The following PID1 variants were observed in gnomAD, a reference collection of about 807,000 sequenced individuals.
PID1 encodes the protein phosphotyrosine interaction domain containing 1, also known as PTB-containing, cubilin and LRP1-interacting protein.
PID1 carries 10 observed loss-of-function variants against 19.1 expected under a neutral mutation model. The observed-to-expected ratio is 0.52, with a 90% CI of 0.32 to 0.89. The LOEUF is 0.89. PID1 is among the 40% of genes least tolerant of loss of function. The pLI, the probability that PID1 is intolerant of heterozygous loss-of-function variation, is 0.03. For missense variants in PID1, 248 were observed against 285.3 expected, an observed-to-expected ratio of 0.87 and a Z score of 0.94; for synonymous variants, 130 against 116.0, an observed-to-expected ratio of 1.12 and a Z score of -0.78.
chr2:229,055,708 C>T (rs73998534), intron 2 of PID1, among the ~76,000 whole-genome samples: 2,060 of 152,292 alleles, frequency 0.014, 58 homozygotes, highest in African/African-American at 0.047. Flanking sequence ...AACAAACTTA[C>T]AAAGATATCT....
intron 1 of PID1, among the ~76,000 whole-genome samples, chr2:229,219,737 A>G (rs775752903): frequency 4.6e-5 from 7 of 152,110 alleles, no homozygotes; most frequent in Non-Finnish European, 7.4e-5. Context: ...CAGAGTCTCA[A>G]TAAGTTCTAC....
At chr2:229,141,894 CAAAG>C (rs1260919802) in intron 2 of PID1, among the ~76,000 whole-genome samples, 2 of 151,888 alleles carry the variant, frequency 1.3e-5, no homozygotes, top group African/African-American at 4.8e-5. Flanking sequence ...TCATTAAAAA[CAAAG>C]AAATGAACAA....
intron 2 of PID1, among the ~76,000 whole-genome samples, chr2:229,098,838 C>G (rs1695021935): frequency 6.6e-6 from 1 of 152,210 alleles, no homozygotes; most frequent in Non-Finnish European, 1.5e-5. Flanking sequence ...GCTTTGGCAG[C>G]TCAGAGCAAT....
intron 2 of PID1, among the ~76,000 whole-genome samples, chr2:229,102,393 G>A (rs1392349754): frequency 1.3e-5 from 2 of 152,180 alleles, no homozygotes; most frequent in Non-Finnish European, 1.5e-5. Flanking sequence ...GCAAGAAGAA[G>A]CTATTGTTAA....
chr2:229,141,516 A>G (rs1459251195), intron 2 of PID1, among the ~76,000 whole-genome samples: 1 of 152,164 alleles, frequency 6.6e-6, no homozygotes, highest in Non-Finnish European at 1.5e-5. Flanking sequence ...TTTCCATAAT[A>G]GTGGATGGCA....
chr2:229,231,126 C>T (rs75472823), intron 1 of PID1, among the ~76,000 whole-genome samples: 1 of 152,098 alleles, frequency 6.6e-6, no homozygotes, highest in Admixed American at 6.5e-5. Context: ...CAGTGGCCAA[C>T]ACATCTGTGC....
At chr2:229,270,347 G>A (rs543312943) in intron 1 of PID1, among the ~76,000 whole-genome samples, 67 of 152,238 alleles carry the variant, frequency 4.4e-4, no homozygotes, top group African/African-American at 1.5e-3. Flanking sequence ...ATCGCCTCCC[G>A]CAAATCCCCA....
chr2:229,088,289 C>A (rs550036893), intron 2 of PID1, among the ~76,000 whole-genome samples: 1 of 152,194 alleles, frequency 6.6e-6, no homozygotes, highest in South Asian at 2.1e-4. Context: ...AAAACATTTA[C>A]CGAGCAACTA....
At chr2:229,176,114 T>G (rs954469232) in intron 1 of PID1, among the ~76,000 whole-genome samples, 1 of 152,094 alleles carries the variant, frequency 6.6e-6, no homozygotes, top group African/African-American at 2.4e-5. Context: ...TCATGAAATT[T>G]AGATTTCTAC....
chr2:229,267,484 T>C (rs1429305347), intron 1 of PID1, among the ~76,000 whole-genome samples: 1 of 152,236 alleles, frequency 6.6e-6, no homozygotes, highest in Admixed American at 6.5e-5. Context: ...AACTTCACAA[T>C]TAGAATCTGC....
intron 2 of PID1, among the ~76,000 whole-genome samples, chr2:229,150,229 CA>C (rs11309150): frequency 0.67 from 82,655 of 122,788 alleles, 26,279 homozygotes; most frequent in Admixed American, 0.74. Context: ...GAGTGAGACT[CA>C]AAAAAAAAAA....
At chr2:229,256,621 T>C (rs115772663) in intron 1 of PID1, among the ~76,000 whole-genome samples, 1,596 of 152,284 alleles carry the variant, frequency 0.01, 21 homozygotes, top group African/African-American at 0.036. Flanking sequence ...CTGAAACTTC[T>C]GTGGCAAGAC....
At chr2:229,129,338 C>T (rs544859337) in intron 2 of PID1, among the ~76,000 whole-genome samples, 5 of 150,332 alleles carry the variant, frequency 3.3e-5, no homozygotes, top group Non-Finnish European at 5.9e-5. Context: ...GGCATGAACC[C>T]GGGAGGCAGA....
rs193132107 is a variant in PID1 at position 229,221,823 on chromosome 2, A to G, written c.30+49191T>C. Among the ~76,000 whole-genome samples the G allele has an allele frequency of 4.2e-4, 64 of 152,166 alleles. No homozygotes were observed. In the East Asian group the frequency reaches 0.012, roughly 28 times the overall value. ...GTTGCCTCCCTCCCCATTCCTCTTA[A>G]CCACATCCATCCAAGCCAAAAGAGT... On this transcript the variant is annotated intron_variant, in intron 1 of 2. Coordinates refer to ENST00000392055, the MANE Select transcript of PID1 (RefSeq NM_001100818.2).
At chr2:229,138,400 C>T (rs886407034) in intron 2 of PID1, among the ~76,000 whole-genome samples, 1 of 152,016 alleles carries the variant, frequency 6.6e-6, no homozygotes, top group Admixed American at 6.6e-5. Context: ...ATATAGGTAC[C>T]GAGAACGTCT....
intron 2 of PID1, among the ~76,000 whole-genome samples, chr2:229,027,459 C>T (rs1180943010): frequency 1.3e-5 from 2 of 152,124 alleles, no homozygotes; most frequent in Non-Finnish European, 2.9e-5. Flanking sequence ...GGTTTAAATC[C>T]TAGCTCCACA....
At chr2:229,260,224 C>G (rs991877968) in intron 1 of PID1, among the ~76,000 whole-genome samples, 12 of 151,916 alleles carry the variant, frequency 7.9e-5, no homozygotes, top group African/African-American at 2.9e-4. Flanking sequence ...AATACAGGCA[C>G]CAGTAGGTCA....
chr2:229,173,989 A>G (rs1431534586), intron 1 of PID1, among the ~76,000 whole-genome samples: 1 of 152,186 alleles, frequency 6.6e-6, no homozygotes, highest in Non-Finnish European at 1.5e-5. Flanking sequence ...AGAGCTAACT[A>G]GGAGAGAGCA....
In PID1 at chr2:229,225,363, C is replaced by T. The variant is rs369085942; in HGVS notation, c.30+45651G>A. ...TTCTCCTTGACCCTCAAGGGTCATT[C>T]TCCATCCTCTATGGATTGGATCCTT... On this transcript the variant is annotated intron_variant, in intron 1 of 2. Coordinates refer to ENST00000392055, the MANE Select transcript of PID1 (RefSeq NM_001100818.2). Among the ~76,000 whole-genome samples the T allele has an allele frequency of 1.1e-3, 166 of 152,276 alleles. 1 individual carries two copies. Among genetic ancestry groups the T allele is most frequent in the Middle Eastern group, 0.01 (3 of 294 alleles).
Sources: gnomAD v4.1 joint callset for allele counts (sites outside exome capture counted in the v4.1 genomes callset) on GRCh38, gnomAD v4.1.1 for gene constraint, MANE v1.5 for transcripts, NCBI Gene and HGNC (gene_info 2026-07-23, HGNC 2026-07-21) for gene names.